The following ATP6V0D1 variants were observed in gnomAD, a reference collection of about 807,000 sequenced individuals.
ATP6V0D1 encodes V-type proton ATPase subunit d 1.
A neutral mutation model predicts 39.0 loss-of-function variants in ATP6V0D1; 13 were observed. That is an observed-to-expected ratio of 0.33 (90% CI 0.22 to 0.53). The LOEUF is 0.53. Among genes scored for constraint, ATP6V0D1 ranks in the 20% least tolerant of loss-of-function variants. The pLI, the probability that ATP6V0D1 is intolerant of heterozygous loss-of-function variation, is 0.94. For synonymous variants in ATP6V0D1, 191 were observed against 191.2 expected (o/e 1.00, Z 0.01); for missense variants, 272 against 470.9 (o/e 0.58, Z 3.91).
chr16:67,458,989 T>G, intron 1 of ATP6V0D1: 1 of 931,084 alleles, frequency 1.1e-6, no homozygotes, highest in Non-Finnish European at 1.3e-6. Flanking sequence ...GTCCTCCAAA[T>G]TGAATGGTTC....
chr16:67,438,288 G>C lies in ATP6V0D1; in HGVS notation c.*240C>G, dbSNP rs1431979810. 1 of 566,394 alleles carries C rather than the reference G, an allele frequency of 1.8e-6. No homozygotes were observed. The allele number at this position is 566,394 out of a possible 1,614,324, so 35.1% of individuals were successfully genotyped here. ...ACCACAGGGCTGAGGGGGCCTCCTTGCTCTGGAGGGGGTCTTCGTCCATCC... is the reference window on the plus strand; with the variant it reads ...ACCACAGGGCTGAGGGGGCCTCCTTCCTCTGGAGGGGGTCTTCGTCCATCC... On this transcript the variant is annotated 3_prime_UTR_variant, in exon 8 of 8. Transcript: ENST00000290949.
Position 67,444,449 on chromosome 16 carries a change from C to T in ATP6V0D1, c.481+79G>A, listed in dbSNP as rs2041091115. On this transcript the variant is annotated intron_variant, in intron 3 of 7. Coordinates refer to ENST00000290949, the MANE Select transcript of ATP6V0D1 (RefSeq NM_004691.5). The surrounding 1 kb of genome is among the most constrained non-coding windows in gnomAD (Gnocchi z 4.8). ...CACTTTCTGGCTCAGGGTCGCCCCC[C>T]AGCGGGTCCACAAACCCCACCCTGA... 3 of 1,474,306 alleles carry T rather than the reference C, an allele frequency of 2.0e-6. No homozygotes were observed. Among genetic ancestry groups the T allele is most frequent in the Non-Finnish European group, 9.1e-7 (1 of 1,098,334 alleles). The allele number at this position is 1,474,306 out of a possible 1,614,324, so 91.3% of individuals were successfully genotyped here.
chr16:67,457,969 G>A (rs905228863), intron 1 of ATP6V0D1, among the ~76,000 whole-genome samples: 1 of 152,226 alleles, frequency 6.6e-6, no homozygotes, highest in Non-Finnish European at 1.5e-5. Context: ...CAGGGACGAT[G>A]TCAAAGGGCC....
At chr16:67,462,564 C>T (rs1481715028) in intron 1 of ATP6V0D1, among the ~76,000 whole-genome samples, 2 of 152,212 alleles carry the variant, frequency 1.3e-5, no homozygotes, top group Non-Finnish European at 2.9e-5. Context: ...GTGGCTCACA[C>T]CTATAATCCC....
At position 67,441,342 on chromosome 16, in the gene ATP6V0D1, C is replaced by T. The variant is rs551078176; in HGVS notation, c.561+1757G>A. The T allele has an allele frequency of 2.0e-5, 3 of 152,416 alleles. No individual in the cohort carries two copies. The East Asian group carries it at 5.8e-4, about 29-fold the overall frequency. 9.4% of individuals were successfully genotyped at this position (152,416 alleles called of 1,614,324 possible). ...TAATCTCCCATCTGTGGTCACCGGG[C>T]TGGGACATCGCCTGACAGGCTGGCA... On this transcript the variant is annotated intron_variant, in intron 4 of 7. Transcript: ENST00000290949.
At chr16:67,477,025 T>TA (rs199765066) in intron 1 of ATP6V0D1, among the ~76,000 whole-genome samples, 8,337 of 40,174 alleles carry the variant, frequency 0.21, 856 homozygotes, top group African/African-American at 0.43. Flanking sequence ...TGTCTCAAAT[T>TA]AAAAAAAAAA....
rs2041001511 is a variant in ATP6V0D1 at position 67,438,446 on chromosome 16, C to T, written c.*82G>A. ...GGTGAGCCACAGGCTTGTCACAGAC[C>T]ACATACACACACACGCACACACACG... On this transcript the variant is annotated 3_prime_UTR_variant, in exon 8 of 8. Coordinates refer to ENST00000290949, the MANE Select transcript of ATP6V0D1 (RefSeq NM_004691.5). 9 of 1,507,990 alleles carry T rather than the reference C, an allele frequency of 6.0e-6. No homozygotes were observed. In the South Asian group the frequency reaches 1.1e-4, roughly 19 times the overall value. The allele number at this position is 1,507,990 out of a possible 1,614,324, so 93.4% of individuals were successfully genotyped here.
At chr16:67,472,374 A>G (rs1205901233) in intron 1 of ATP6V0D1, among the ~76,000 whole-genome samples, 1 of 152,030 alleles carries the variant, frequency 6.6e-6, no homozygotes, top group African/African-American at 2.4e-5. Flanking sequence ...CCTTCTCCCA[A>G]TGCCCTCCCC....
intron 1 of ATP6V0D1, among the ~76,000 whole-genome samples, chr16:67,477,422 T>C (rs1329607863): frequency 6.6e-6 from 1 of 152,214 alleles, no homozygotes; most frequent in East Asian, 1.9e-4. Context: ...GGAATAATAT[T>C]GTCATTTTTT....
chr16:67,446,046 C>A, intron 2 of ATP6V0D1: 1 of 440,150 alleles, frequency 2.3e-6, no homozygotes, highest in South Asian at 1.6e-5. Context: ...TCTGAGTGGG[C>A]CAGAGCTAGG....
chr16:67,470,206 A>G (rs1440460461), intron 1 of ATP6V0D1, among the ~76,000 whole-genome samples: 3 of 152,312 alleles, frequency 2.0e-5, no homozygotes, highest in Non-Finnish European at 2.9e-5. Context: ...ACACAATCTT[A>G]TAAGTTGGGT....
At chr16:67,471,741 G>T (rs1021186645) in intron 1 of ATP6V0D1, among the ~76,000 whole-genome samples, 2 of 151,294 alleles carry the variant, frequency 1.3e-5, no homozygotes, top group African/African-American at 4.9e-5. Flanking sequence ...GTGTGATCAC[G>T]GCTCACTACA....
chr16:67,446,772 C>G (rs1394543039), intron 2 of ATP6V0D1, among the ~76,000 whole-genome samples: 1 of 152,166 alleles, frequency 6.6e-6, no homozygotes, highest in Non-Finnish European at 1.5e-5. Context: ...CCCCTGCCCC[C>G]AAGCAGAAGG....
chr16:67,442,687 C>A (rs1347801498), intron 4 of ATP6V0D1, among the ~76,000 whole-genome samples: 1 of 152,098 alleles, frequency 6.6e-6, no homozygotes, highest in African/African-American at 2.4e-5. Flanking sequence ...CTCGCCAGAT[C>A]CCTCCCCCCA....
intron 2 of ATP6V0D1, chr16:67,452,546 TAA>T: frequency 1.3e-6 from 1 of 748,014 alleles, no homozygotes; most frequent in Non-Finnish European, 2.3e-6. Context: ...CAAGGAATGG[TAA>T]AAGTTAGACA....
Position 67,439,270 on chromosome 16 carries a change from T to C in ATP6V0D1, c.639+4A>G. On this transcript the variant is annotated splice_donor_region_variant and intron_variant, in intron 5 of 7. Coordinates refer to ENST00000290949, the MANE Select transcript of ATP6V0D1 (RefSeq NM_004691.5). ...AGCAGGCAGGAGGGCGGGCAGGCAC[T>C]CACCTCCAGGATGGGGCACATGGCA... 1 of 1,614,088 alleles carries C rather than the reference T, an allele frequency of 6.2e-7. No homozygotes were observed.
chr16:67,469,509 G>A (rs1384090246), intron 1 of ATP6V0D1, among the ~76,000 whole-genome samples: 1 of 152,182 alleles, frequency 6.6e-6, no homozygotes, highest in Non-Finnish European at 1.5e-5. Context: ...GCTGACATGA[G>A]AAGGGTCCAG....
At chr16:67,457,505 A>G in intron 1 of ATP6V0D1, 1 of 1,180,798 alleles carries the variant, frequency 8.5e-7, no homozygotes. Flanking sequence ...GAGGGGTGGG[A>G]GAAGCCAGGG....
intron 2 of ATP6V0D1, among the ~76,000 whole-genome samples, chr16:67,451,528 G>A (rs1191638110): frequency 1.3e-5 from 2 of 152,188 alleles, no homozygotes; most frequent in Non-Finnish European, 2.9e-5. Context: ...GTGGTGACAT[G>A]GGCCTGGGCA....
Sources: allele counts gnomAD v4.1 joint callset (sites outside exome capture counted in the v4.1 genomes callset), GRCh38; gene constraint gnomAD v4.1.1; non-coding constraint Gnocchi (gnomAD v3.1); transcripts MANE v1.5; gene names NCBI Gene and HGNC (gene_info 2026-07-23, HGNC 2026-07-21).